TCF7L2: variants seen among roughly 807,000 people sequenced by gnomAD.
The protein encoded by TCF7L2 is transcription factor 7-like 2.
A neutral mutation model predicts 77.9 loss-of-function variants in TCF7L2; 23 were observed. The observed-to-expected ratio is 0.30, with a 90% CI of 0.21 to 0.42. The LOEUF (loss-of-function observed/expected upper bound fraction) is 0.42, where lower values mean the gene tolerates loss of function less well. Ranked by LOEUF, TCF7L2 falls within the 10% of genes least tolerant of loss-of-function variation. TCF7L2 has a pLI of 1.00. For synonymous variants in TCF7L2, 413 were observed against 340.2 expected (o/e 1.21, Z -2.36); for missense variants, 654 against 793.1 (o/e 0.82, Z 2.11).
intron 5 of TCF7L2, among the ~76,000 whole-genome samples, chr10:113,073,879 G>A (rs1273301803): frequency 1.3e-5 from 2 of 152,154 alleles, no homozygotes; most frequent in South Asian, 4.1e-4. Flanking sequence ...AGTTGCTGGC[G>A]CAGCGTCCAG....
intron 5 of TCF7L2, chr10:113,129,745 G>GT: frequency 8.0e-7 from 1 of 1,247,838 alleles, no homozygotes; most frequent in African/African-American, 1.6e-5. Flanking sequence ...GGGGAAGCTG[G>GT]GAGGAAAAAG....
At chr10:113,153,401 A>AGGCC (rs2071172732) in intron 11 of TCF7L2, among the ~76,000 whole-genome samples, 2 of 152,224 alleles carry the variant, frequency 1.3e-5, no homozygotes, top group Admixed American at 1.3e-4. Context: ...ACTTGTCTTA[A>AGGCC]GGCCGGCACA....
In TCF7L2 at chr10:113,151,579, C is replaced by T. The variant is rs537783738; in HGVS notation, c.1002-146C>T. On this transcript the variant is annotated intron_variant, in intron 9 of 13. Transcript: ENST00000627217. This position sits in a 1 kb window ranked among gnomAD's most constrained non-coding sequence, Gnocchi z 5.2. ...CCCAAGCTATTTTTGTTCCATTTTC[C>T]GGGGTGCAGAAGAACTAAAAGCATG... The T allele has an allele frequency of 1.6e-4, 163 of 992,646 alleles. No individual in the cohort carries two copies. The highest frequency in any genetic ancestry group is 2.0e-4 in the Non-Finnish European group (141 of 722,632). 61.5% of individuals were successfully genotyped at this position (992,646 alleles called of 1,614,324 possible).
intron 5 of TCF7L2, among the ~76,000 whole-genome samples, chr10:113,058,941 G>T (rs1236337651): frequency 6.6e-6 from 1 of 152,184 alleles, no homozygotes; most frequent in African/African-American, 2.4e-5. Flanking sequence ...GGTGCTCACT[G>T]CTGTGTATGC....
intron 5 of TCF7L2, among the ~76,000 whole-genome samples, chr10:113,108,222 C>G (rs1370662675): frequency 6.6e-6 from 1 of 152,138 alleles, no homozygotes; most frequent in East Asian, 1.9e-4. Context: ...GTGGACCCCC[C>G]CACCCCACCA....
intron 5 of TCF7L2, among the ~76,000 whole-genome samples, chr10:113,109,359 G>A (rs1009994072): frequency 2.0e-5 from 3 of 152,084 alleles, no homozygotes; most frequent in Non-Finnish European, 4.4e-5. Context: ...TCCCAGTAAG[G>A]GTGTGGGATT....
chr10:113,135,826 G>A (rs1020899451), intron 5 of TCF7L2, among the ~76,000 whole-genome samples: 3 of 152,192 alleles, frequency 2.0e-5, no homozygotes, highest in Admixed American at 6.5e-5. Context: ...CTAATTTGGG[G>A]TTTAGGGGCA....
chr10:113,152,284 T>C (rs2070918577), intron 10 of TCF7L2, 49 bp from the exon 11 acceptor site: 1 of 1,503,676 alleles, frequency 6.7e-7, no homozygotes, highest in Non-Finnish European at 9.3e-7. Context: ...TCTTTCATGC[T>C]TTTCTCTTTG....
Position 112,991,177 on chromosome 10 carries a change from G to A in TCF7L2, c.450+26553G>A, listed in dbSNP as rs73358223. ...GGGAAGCTAACAGAGATCTTGCTAG[G>A]GGGGTGGAATCCTGTATCCATGTGA... On this transcript the variant is annotated intron_variant, in intron 4 of 13. Transcript: ENST00000627217. Among the ~76,000 whole-genome samples, 717 of 152,230 alleles carry A rather than the reference G, an allele frequency of 4.7e-3. 2 individuals are homozygous for A. Among genetic ancestry groups the A allele is most frequent in the Middle Eastern group, 0.02 (6 of 294 alleles).
chr10:113,109,661 G>GATT (rs1402804843), intron 5 of TCF7L2, among the ~76,000 whole-genome samples: 1 of 152,196 alleles, frequency 6.6e-6, no homozygotes, highest in Non-Finnish European at 1.5e-5. Flanking sequence ...AAACTGCTGG[G>GATT]ATTACAGGCA....
At chr10:112,964,796 G>GTGGTGGTGGTGGTGA (rs1312050754) in intron 4 of TCF7L2, among the ~76,000 whole-genome samples, 172 bp downstream of exon 4, 6 of 127,640 alleles carry the variant, frequency 4.7e-5, no homozygotes, top group Admixed American at 3.1e-4. Context: ...GGTGGTGATG[G>GTGGTGGTGGTGGTGA]TGGTGGTGGT....
intron 4 of TCF7L2, among the ~76,000 whole-genome samples, chr10:112,984,302 G>A (rs570620292): frequency 1.1e-4 from 17 of 152,168 alleles, no homozygotes; most frequent in African/African-American, 3.4e-4. Flanking sequence ...AGAAAGCTAT[G>A]TTTTTGTTTT....
At chr10:113,152,547 C>A in intron 11 of TCF7L2, 107 bp downstream of exon 11, 1 of 882,968 alleles carries the variant, frequency 1.1e-6, no homozygotes, top group South Asian at 1.7e-5. Context: ...GCCTCAGGAC[C>A]ATCCAATCTG....
chr10:113,051,515 T>A (rs1276554190), intron 5 of TCF7L2, among the ~76,000 whole-genome samples: 1 of 152,262 alleles, frequency 6.6e-6, no homozygotes, highest in East Asian at 1.9e-4. Context: ...TTAAAAATGC[T>A]AGAACATGAA....
At chr10:113,023,477 C>T (rs992842076) in intron 4 of TCF7L2, among the ~76,000 whole-genome samples, 1 of 151,964 alleles carries the variant, frequency 6.6e-6, no homozygotes, top group South Asian at 2.1e-4. Context: ...GTTTCTTTTT[C>T]TTTTTATTTT....
rs2030721608 is a variant in TCF7L2, at chr10:112,950,713, CCTT to C, written c.-42_-40del. On this transcript the variant is annotated 5_prime_UTR_variant, in exon 1 of 14. Coordinates refer to ENST00000627217, the MANE Select transcript of TCF7L2 (RefSeq NM_001146274.2). ...GTGATTTTTTTTGGCTTTTCTTCCT[CCTT>C]CATTTTTCTTCCAAAATTGCTGCTG... 3.3e-6 allele frequency: 5 copies of C among 1,522,018 alleles called. No homozygotes were observed. The African/African-American group carries it at 4.2e-5, about 13-fold the overall frequency. 94.3% of individuals were successfully genotyped at this position (1,522,018 alleles called of 1,614,324 possible). A position where few individuals can be genotyped will look rare whatever the true frequency, so the allele number is the denominator to read the frequency against.
chr10:113,006,169 G>A (rs1462728447), intron 4 of TCF7L2, among the ~76,000 whole-genome samples: 1 of 152,118 alleles, frequency 6.6e-6, no homozygotes, highest in Non-Finnish European at 1.5e-5. Flanking sequence ...CGGCAACTTG[G>A]GAAACAGCAC....
chr10:113,129,555 G>A, intron 5 of TCF7L2: 1 of 1,011,804 alleles, frequency 9.9e-7, no homozygotes. Flanking sequence ...GGACTTTTTT[G>A]TTTTTTATTT....
intron 3 of TCF7L2, among the ~76,000 whole-genome samples, chr10:112,960,912 G>A (rs1286159926): frequency 6.6e-6 from 1 of 152,054 alleles, no homozygotes; most frequent in African/African-American, 2.4e-5. Flanking sequence ...AGGCTGGTCT[G>A]GAACTCCTGT....
Sources: gnomAD v4.1 joint callset for allele counts (sites outside exome capture counted in the v4.1 genomes callset) on GRCh38, gnomAD v4.1.1 for gene constraint, Gnocchi (gnomAD v3.1) non-coding constraint, MANE v1.5 for transcripts, NCBI Gene and HGNC (gene_info 2026-07-23, HGNC 2026-07-21) for gene names.